AMBRA1: variants seen among roughly 807,000 people sequenced by gnomAD.
AMBRA1 encodes autophagy and beclin 1 regulator 1.
A neutral mutation model predicts 125.4 loss-of-function variants in AMBRA1; 47 were observed. The observed-to-expected ratio is 0.37, with a 90% confidence interval of 0.30 to 0.48. AMBRA1 has a LOEUF of 0.48. Among genes scored for constraint, AMBRA1 ranks in the 20% least tolerant of loss-of-function variants. AMBRA1 has a pLI of 0.99. For missense variants in AMBRA1, 1,331 were observed against 1,693.4 expected (o/e 0.79, Z 3.76); for synonymous variants, 626 against 655.5 (o/e 0.95, Z 0.69).
Position 46,547,161 on chromosome 11 carries a change from A to G in AMBRA1, c.330T>C (p.Leu110=), listed in dbSNP as rs1424468796. The G allele has an allele frequency of 3.1e-6, 5 of 1,614,006 alleles. No homozygotes were observed. The South Asian group carries it at 4.4e-5, about 14-fold the overall frequency. ...CCCCATCTAGGCAGCCAGAAGCAAT[A>G]AGGCCTGAGATGGTGGGATGAAAAG... is the stretch of plus-strand genomic sequence containing the variant. ...CVTFHPTISG[L]IASGCLDGEV... Residue 110 remains leucine, a synonymous_variant, in exon 4 of 18, where the codon CTT becomes CTC. Transcript: ENST00000683756.
At chr11:46,479,752 G>A (rs1402588835) in intron 11 of AMBRA1, among the ~76,000 whole-genome samples, 1 of 152,154 alleles carries the variant, frequency 6.6e-6, no homozygotes, top group Non-Finnish European at 1.5e-5. Context: ...CTGGTGAATA[G>A]AAAGGAGACA....
intron 7 of AMBRA1, among the ~76,000 whole-genome samples, chr11:46,520,185 T>C (rs1444201098): frequency 1.3e-5 from 2 of 152,002 alleles, no homozygotes; most frequent in Non-Finnish European, 2.9e-5. Context: ...GAGATTTCAT[T>C]TGTATGGGTT....
chr11:46,496,710 A>G (rs1950641846), intron 9 of AMBRA1, among the ~76,000 whole-genome samples: 1 of 152,170 alleles, frequency 6.6e-6, no homozygotes, highest in African/African-American at 2.4e-5. Context: ...AGGGCTGGGG[A>G]AAATGTGGGC....
intron 13 of AMBRA1, among the ~76,000 whole-genome samples, chr11:46,433,887 C>T (rs943046893): frequency 1.3e-5 from 2 of 151,918 alleles, no homozygotes; most frequent in Admixed American, 6.5e-5. Context: ...AGGCCGAGGT[C>T]GGGGGATCAC....
intron 14 of AMBRA1, among the ~76,000 whole-genome samples, chr11:46,418,637 G>A (rs1241061689): frequency 1.3e-5 from 2 of 151,848 alleles, no homozygotes; most frequent in Non-Finnish European, 2.9e-5. Flanking sequence ...ACCTATGAGT[G>A]AGAACATGCG....
intron 7 of AMBRA1, among the ~76,000 whole-genome samples, chr11:46,524,973 C>A (rs564820757): frequency 8.5e-5 from 13 of 152,322 alleles, no homozygotes; most frequent in African/African-American, 3.1e-4. Context: ...TACTGAGTGC[C>A]TTCTGTTAGT....
At chr11:46,482,426 G>C (rs1950104550) in intron 11 of AMBRA1, among the ~76,000 whole-genome samples, 1 of 152,154 alleles carries the variant, frequency 6.6e-6, no homozygotes, top group East Asian at 1.9e-4. Context: ...TTGCTGTTGG[G>C]AGTCAGCAAA....
chr11:46,572,212 A>T (rs1306843072), intron 1 of AMBRA1, among the ~76,000 whole-genome samples: 2 of 152,024 alleles, frequency 1.3e-5, no homozygotes, highest in African/African-American at 2.4e-5. Flanking sequence ...AAGGCAGGAG[A>T]ATCGCTTAAA....
intron 11 of AMBRA1, among the ~76,000 whole-genome samples, chr11:46,471,531 T>G (rs1949588225): frequency 6.6e-6 from 1 of 150,380 alleles, no homozygotes; most frequent in South Asian, 2.1e-4. Context: ...TGAGCCGAGA[T>G]CGCCCCACTG....
intron 15 of AMBRA1, among the ~76,000 whole-genome samples, chr11:46,411,742 T>C (rs1946306503): frequency 6.6e-6 from 1 of 152,206 alleles, no homozygotes; most frequent in Non-Finnish European, 1.5e-5. Context: ...GTGCTAGGAT[T>C]ACAGGCATGA....
chr11:46,545,439 G>T (rs145859376), intron 5 of AMBRA1, among the ~76,000 whole-genome samples, 165 bp downstream of exon 5: 2,623 of 152,142 alleles, frequency 0.017, 28 homozygotes, highest in Non-Finnish European at 0.028. Context: ...TCCACCCTGG[G>T]TGACAGAGTG....
intron 1 of AMBRA1, among the ~76,000 whole-genome samples, chr11:46,583,650 T>A (rs1591189343): frequency 5.5e-4 from 10 of 18,086 alleles, no homozygotes; most frequent in East Asian, 4.2e-3. Context: ...CAAACAAATT[T>A]CCAAAAAAAA....
At chr11:46,514,772 C>T (rs1043889038) in intron 7 of AMBRA1, among the ~76,000 whole-genome samples, 4 of 151,980 alleles carry the variant, frequency 2.6e-5, no homozygotes, top group African/African-American at 9.7e-5. Context: ...ACTGTGCCTG[C>T]CCACTGGCAG....
intron 1 of AMBRA1, among the ~76,000 whole-genome samples, chr11:46,552,634 G>A (rs1035513097): frequency 9.4e-5 from 14 of 149,380 alleles, no homozygotes; most frequent in East Asian, 2.0e-4. Context: ...GCAGTGAGCC[G>A]TGCCATTGCA....
intron 14 of AMBRA1, among the ~76,000 whole-genome samples, chr11:46,421,374 G>T (rs907666414): frequency 6.6e-6 from 1 of 152,226 alleles, no homozygotes; most frequent in Non-Finnish European, 1.5e-5. Context: ...GCTAAATCCT[G>T]CTTTGTGGCA....
chr11:46,494,079 G>A, intron 10 of AMBRA1, 45 bp downstream of exon 10: 1 of 1,531,306 alleles, frequency 6.5e-7, no homozygotes, highest in Non-Finnish European at 8.9e-7. Flanking sequence ...CTAAATCCTA[G>A]GCTCTAACGA....
At chr11:46,515,344 G>A (rs865929038) in intron 7 of AMBRA1, among the ~76,000 whole-genome samples, 3 of 152,158 alleles carry the variant, frequency 2.0e-5, no homozygotes, top group East Asian at 3.9e-4. Context: ...GTGGTGGTGC[G>A]TGCCTATAAT....
intron 1 of AMBRA1, among the ~76,000 whole-genome samples, chr11:46,586,051 G>A (rs61882754): frequency 1.4e-4 from 22 of 151,932 alleles, no homozygotes; most frequent in Non-Finnish European, 2.5e-4. Context: ...TGATCCACCC[G>A]CCTCAGCCTC....
intron 7 of AMBRA1, among the ~76,000 whole-genome samples, chr11:46,536,109 T>C (rs1337419392): frequency 6.6e-6 from 1 of 152,234 alleles, no homozygotes; most frequent in Non-Finnish European, 1.5e-5. Context: ...TTTTAATCTT[T>C]TTTACTAAAA....
Sources: gnomAD v4.1 joint callset for allele counts (sites outside exome capture counted in the v4.1 genomes callset) on GRCh38, gnomAD v4.1.1 for gene constraint, MANE v1.5 for transcripts, NCBI Gene and HGNC (gene_info 2026-07-23, HGNC 2026-07-21) for gene names.